Variants in EPPK1 observed in about 807,000 individuals in gnomAD.
The protein encoded by EPPK1 is epiplakin.
For missense variants in EPPK1, 3,823 were observed against 3,673.3 expected (o/e 1.04, Z -1.05); for synonymous variants, 1,862 against 1,721.2 (o/e 1.08, Z -2.03).
Position 143,869,949 on chromosome 8 carries a change from C to A in EPPK1, c.3305G>T (p.Cys1102Phe). ...AAGGCCAGAAGTCTCATCCCTGGGGCACTCCTCCAGGAGCTGGGCATAGCT... is the reference window on the plus strand; with the variant it reads ...AAGGCCAGAAGTCTCATCCCTGGGGAACTCCTCCAGGAGCTGGGCATAGCT... ...RTSYAQLLEE[C>F]PRDETSGLHL... The change falls in exon 2 of 2, where the codon TGC (cysteine) becomes TTC (phenylalanine). Residue 1102 changes from cysteine to phenylalanine, a missense_variant. By Grantham distance (205) the Cys-to-Phe change is radical (BLOSUM62 -2). Transcript: ENST00000615648. The A allele has an allele frequency of 6.2e-7, 1 of 1,607,838 alleles. No homozygotes were observed. Among genetic ancestry groups the A allele is most frequent in the Non-Finnish European group, 8.5e-7 (1 of 1,177,348 alleles).
rs201495006 is a variant in EPPK1 at position 143,867,361 on chromosome 8, G to T, written c.5893C>A (p.Arg1965=). The T allele has an allele frequency of 1.9e-6, 3 of 1,612,872 alleles. No individual in the cohort carries two copies. The highest frequency in any genetic ancestry group is 8.5e-7 in the Non-Finnish European group (1 of 1,179,852). The change falls in exon 2 of 2, where the codon CGG becomes AGG. Residue 1965 remains arginine (R), a synonymous_variant. Transcript: ENST00000615648. ...CTTTCAGCCTTCAGGAGCCTCTCCC[G>T]CAGCTCCTCGTTCACCAGGCCCACA... The part of the protein sequence containing the change: ...VDVGLVNEEL[R]ERLLKAERAA...
chr8:143,859,306 G>T lies in EPPK1; in HGVS notation c.13948C>A (p.Pro4650Thr). The change falls in exon 2 of 2, where the codon CCC becomes ACC. Residue 4650 changes from proline (P) to threonine (T), a missense_variant. Transcript: ENST00000615648. ...GTGGCCGCACGCAGGGCCTCCCGGGGGTCTGGGCGCGGGCTCCCGGCCTCG... is the reference window on the plus strand; with the variant it reads ...GTGGCCGCACGCAGGGCCTCCCGGGTGTCTGGGCGCGGGCTCCCGGCCTCG... Reference protein sequence around the residue: ...EAEAGSPRPDPREALRAATME... With the variant: ...EAEAGSPRPDTREALRAATME... The T allele has an allele frequency of 2.8e-6, 1 of 359,890 alleles. No homozygotes were observed. Among genetic ancestry groups the T allele is most frequent in the Non-Finnish European group, 4.8e-6 (1 of 206,578 alleles). 22.3% of individuals were successfully genotyped at this position (359,890 alleles called of 1,614,324 possible). A position where few individuals can be genotyped will look rare whatever the true frequency, so the allele number is the denominator to read the frequency against.
In EPPK1 at chr8:143,871,867, G is replaced by T; in HGVS notation, c.1387C>A (p.Leu463Ile). The change falls in exon 2 of 2, where the codon CTT becomes ATT. Residue 463 changes from leucine to isoleucine, a missense_variant. Physicochemically the swap from Leu to Ile is conservative, Grantham distance 5. Transcript: ENST00000615648. ...ALCVTDPETG[L>I]AFLPLSGGPR... is the part of the protein sequence containing the mutation. ...CCCCCTGAGAGTGGCAGGAAGGCAA[G>T]CCCGGTCTCTGGGTCGGTGACACAG... 2 of 1,610,894 alleles carry T rather than the reference G, an allele frequency of 1.2e-6. No individual in the cohort carries two copies. Among genetic ancestry groups the T allele is most frequent in the Non-Finnish European group, 8.5e-7 (1 of 1,179,760 alleles).
chr8:143,873,165 A>G lies in EPPK1; in HGVS notation c.89T>C (p.Leu30Pro). 1.3e-6 allele frequency: 2 copies of G among 1,593,846 alleles called. No individual in the cohort carries two copies. The highest frequency in any genetic ancestry group is 4.5e-5 in the East Asian group (2 of 44,772). ...ASVPRAMAAT[L>P]GAGTPPRPQA... ...GGGCCTGGGGGGCGTGCCGGCTCCC[A>G]GCGTGGCTGCCATGGCTCTGGGTAC... is the stretch of plus-strand genomic sequence containing the variant. The change falls in exon 2 of 2, where the codon CTG becomes CCG. Residue 30 changes from leucine to proline, a missense_variant. Leu to Pro is a moderately conservative substitution (Grantham distance 98, BLOSUM62 -3). Transcript: ENST00000615648.
In EPPK1 at chr8:143,857,963, G is replaced by C; in HGVS notation, c.*24C>G. ...ATGCCTCCACTTCTCCAGAGTTGCA[G>C]AAAACTGCACGGAGGAAGCCCAGTC... On this transcript the variant is annotated 3_prime_UTR_variant, in exon 2 of 2. Coordinates refer to ENST00000615648, the MANE Select transcript of EPPK1 (RefSeq NM_031308.4). 7.0e-7 allele frequency: 1 copy of C among 1,420,048 alleles called. No homozygotes were observed. The highest frequency in any genetic ancestry group is 9.5e-7 in the Non-Finnish European group (1 of 1,049,656). 88.0% of individuals were successfully genotyped at this position (1,420,048 alleles called of 1,614,324 possible).
In EPPK1 at chr8:143,871,403, G is replaced by A; in HGVS notation, c.1851C>T (p.Leu617=). 1.9e-6 allele frequency: 3 copies of A among 1,605,098 alleles called. No individual in the cohort carries two copies. Among genetic ancestry groups the A allele is most frequent in the South Asian group, 1.1e-5 (1 of 89,838 alleles). ...QGTGCIAGLL[L]PGSQERLSIY... The stretch of plus-strand genomic sequence containing the variant: ...TGCTCAGGCGTTCCTGGGAGCCAGG[G>A]AGCAGCAGGCCAGCAATGCAGCCCG... Residue 617 remains leucine, a synonymous_variant, in exon 2 of 2, where the codon CTC becomes CTT. Transcript: ENST00000615648.
Position 143,869,634 on chromosome 8 carries a change from C to A in EPPK1, c.3620G>T (p.Trp1207Leu), listed in dbSNP as rs1819268706. The A allele has an allele frequency of 2.5e-6, 4 of 1,584,382 alleles. No homozygotes were observed. Among genetic ancestry groups the A allele is most frequent in the Non-Finnish European group, 2.6e-6 (3 of 1,165,468 alleles). ...GGTGATGATGCCAGCATCCAGCAGC[C>A]AGACAGCGGGTACCTCACCCCGTGG... is the stretch of plus-strand genomic sequence containing the variant. The part of the protein sequence containing the change: ...PGPRGEVPAV[W>L]LLDAGIITQE... The change falls in exon 2 of 2, where the codon TGG becomes TTG. Residue 1207 changes from tryptophan to leucine, a missense_variant. Physicochemically the swap from Trp to Leu is moderately conservative, Grantham distance 61. Transcript: ENST00000615648.
chr8:143,874,855 GTCGGA>G (rs1202933058), intron 1 of EPPK1, among the ~76,000 whole-genome samples: 1 of 152,040 alleles, frequency 6.6e-6, no homozygotes, highest in East Asian at 1.9e-4. Context: ...CAGGAGAAGG[GTCGGA>G]TCCCACGTTT....
chr8:143,874,618 T>A (rs1388207788), intron 1 of EPPK1, among the ~76,000 whole-genome samples: 1 of 152,144 alleles, frequency 6.6e-6, no homozygotes, highest in Non-Finnish European at 1.5e-5. Context: ...CTCCTCGCCT[T>A]CCGGCTTCTG....
chr8:143,878,413 G>GCCGCACCCA (rs1819529904), intron 1 of EPPK1, 25 bp downstream of exon 1: 1 of 92,146 alleles, frequency 1.1e-5, no homozygotes, highest in Non-Finnish European at 2.3e-5. Flanking sequence ...CGCCGCACCC[G>GCCGCACCCA]CCGCACCCGC....
Position 143,872,046 on chromosome 8 carries a change from CCGCCTGTGGCCAGCT to C in EPPK1, c.1193_1207del (p.Gln398_Gly403delinsArg). ...GAGCCTGCGTGCTGGACAGACCAGC[CCGCCTGTGGCCAGCT>C]GGGCATCCAAGAGCCGCAGTGCCAG... On this transcript the variant is annotated inframe_deletion, in exon 2 of 2. Transcript: ENST00000615648. 1 of 1,559,686 alleles carries C rather than the reference CCGCCTGTGGCCAGCT, an allele frequency of 6.4e-7. No homozygotes were observed. Among genetic ancestry groups the C allele is most frequent in the South Asian group, 1.2e-5 (1 of 85,830 alleles).
Position 143,870,017 on chromosome 8 carries a change from G to A in EPPK1, c.3237C>T (p.Ser1079=), listed in dbSNP as rs1554660586. 1.2e-6 allele frequency: 2 copies of A among 1,610,460 alleles called. No individual in the cohort carries two copies. The highest frequency in any genetic ancestry group is 3.4e-5 in the Admixed American group (2 of 59,662). ...CCGGTGTGGGGAAGGTTTCGGAGGA[G>A]CTGGACAAGGCTGTCTCCATCTCCT... is the stretch of plus-strand genomic sequence containing the variant. ...VDQEMETALS[S]SSETFPTPDG... is the part of the protein sequence containing the mutation. Residue 1079 remains serine, a synonymous_variant, in exon 2 of 2, where the codon AGC becomes AGT. Coordinates refer to ENST00000615648, the MANE Select transcript of EPPK1 (RefSeq NM_031308.4). The surrounding 1 kb of genome is among the most constrained non-coding windows in gnomAD (Gnocchi z 5.2).
In EPPK1 at chr8:143,872,044, GC is replaced by G. The variant is rs1819370893; in HGVS notation, c.1209del (p.Leu404TrpfsTer88). 6.4e-7 allele frequency: 1 copy of G among 1,557,530 alleles called. No individual in the cohort carries two copies. Among genetic ancestry groups the G allele is most frequent in the Non-Finnish European group, 8.7e-7 (1 of 1,152,262 alleles). Reference sequence around the variant, plus strand: ...CGGAGCCTGCGTGCTGGACAGACCAGCCCGCCTGTGGCCAGCTGGGCATCCA... The same window carrying G: ...CGGAGCCTGCGTGCTGGACAGACCAGCCGCCTGTGGCCAGCTGGGCATCCA... ...RLLDAQLATG[G>X]LVCPARRLRL... On this transcript the variant is annotated frameshift_variant, in exon 2 of 2. Coordinates refer to ENST00000615648, the MANE Select transcript of EPPK1 (RefSeq NM_031308.4). LOFTEE classifies it low-confidence loss of function (END_TRUNC).
At position 143,868,027 on chromosome 8, in the gene EPPK1, G is replaced by C; in HGVS notation, c.5227C>G (p.Leu1743Val). 6.2e-7 allele frequency: 1 copy of C among 1,613,700 alleles called. No individual in the cohort carries two copies. The highest frequency in any genetic ancestry group is 8.5e-7 in the Non-Finnish European group (1 of 1,180,022). The change falls in exon 2 of 2, where the codon CTG (leucine) becomes GTG (valine). Residue 1743 changes from leucine (L) to valine (V), a missense_variant. Transcript: ENST00000615648. ...THENLTYLQL[L>V]ERCVEDPETG... ...TCGGGGTCCTCCACACAGCGCTCCA[G>C]AAGCTGCAGGTACGTGAGGTTCTCG...
rs974010410 is a variant in EPPK1, at chr8:143,857,431, G to C, written c.*556C>G. ...AACGCTAGTGAGGTCACACCTCTAA[G>C]GTGGAGCAGCAGCCAATGGAGAGAA... On this transcript the variant is annotated 3_prime_UTR_variant, in exon 2 of 2. Transcript: ENST00000615648. 3 of 152,934 alleles carry C rather than the reference G, an allele frequency of 2.0e-5. No homozygotes were observed. The highest frequency in any genetic ancestry group is 2.9e-5 in the Non-Finnish European group (2 of 68,612). The allele number at this position is 152,934 out of a possible 1,614,324, so 9.5% of individuals were successfully genotyped here.
chr8:143,871,976 T>C lies in EPPK1; in HGVS notation c.1278A>G (p.Glu426=). The change falls in exon 2 of 2, where the codon GAA becomes GAG. Residue 426 remains glutamate (E), a synonymous_variant. Coordinates refer to ENST00000615648, the MANE Select transcript of EPPK1 (RefSeq NM_031308.4). ...CCTGCGAGAGCTGCCGCTGAGTGTC[T>C]TCATCCAGGCAGCCGCAGCGCAGGG... ...EAALRCGCLD[E]DTQRQLSQAG... 1 of 1,596,424 alleles carries C rather than the reference T, an allele frequency of 6.3e-7. No individual in the cohort carries two copies. Among genetic ancestry groups the C allele is most frequent in the Non-Finnish European group, 8.5e-7 (1 of 1,175,852 alleles).
Position 143,867,419 on chromosome 8 carries a change from G to C in EPPK1, c.5835C>G (p.Thr1945=), listed in dbSNP as rs1819167664. The C allele has an allele frequency of 6.2e-7, 1 of 1,612,698 alleles. No homozygotes were observed. Among genetic ancestry groups the C allele is most frequent in the Admixed American group, 1.7e-5 (1 of 60,004 alleles). The part of the protein sequence containing the change: ...AATGFLLDPC[T]RQKLSVDEAV... ...CCTCATCCACAGAGAGCTTCTGGCG[G>C]GTGCAGGGGTCCAGGAGGAACCCGG... Residue 1945 remains threonine, a synonymous_variant, in exon 2 of 2, where the codon ACC becomes ACG. Transcript: ENST00000615648.
At chr8:143,877,864 C>T (rs1050453789) in intron 1 of EPPK1, among the ~76,000 whole-genome samples, 5 of 152,056 alleles carry the variant, frequency 3.3e-5, no homozygotes, top group African/African-American at 9.7e-5. Context: ...AGGGCCCTTC[C>T]TGCCTCTGCC....
At chr8:143,876,907 G>A (rs1012187873) in intron 1 of EPPK1, among the ~76,000 whole-genome samples, 17 of 152,204 alleles carry the variant, frequency 1.1e-4, no homozygotes, top group African/African-American at 3.1e-4. Flanking sequence ...GGCCAGTGAG[G>A]GTGGGGACAG....
Sources: gnomAD v4.1 joint callset for allele counts (sites outside exome capture counted in the v4.1 genomes callset) on GRCh38, gnomAD v4.1.1 for gene constraint, Gnocchi (gnomAD v3.1) non-coding constraint, MANE v1.5 for transcripts, NCBI Gene and HGNC (gene_info 2026-07-23, HGNC 2026-07-21) for gene names.